Variants in NUP85 observed in about 807,000 individuals in gnomAD.
The protein encoded by NUP85 is nucleoporin 85.
A neutral mutation model predicts 92.8 loss-of-function variants in NUP85; 23 were observed. The ratio of observed to expected loss-of-function variants is 0.25; its 90% CI spans 0.18 to 0.35. The LOEUF is 0.35. Among genes scored for constraint, NUP85 ranks in the 10% least tolerant of loss-of-function variants. NUP85 has a pLI of 1.00. For missense variants in NUP85, 759 were observed against 822.8 expected (o/e 0.92, Z 0.95); for synonymous variants, 314 against 306.9 (o/e 1.02, Z -0.24).
chr17:75,235,390 A>G (rs1218108456), intron 18 of NUP85, 188 bp from the exon 19 acceptor site: 2 of 615,506 alleles, frequency 3.2e-6, no homozygotes, highest in South Asian at 2.1e-5. Context: ...TCTCATCTCT[A>G]CATTTTGTTC....
intron 7 of NUP85, among the ~76,000 whole-genome samples, chr17:75,218,777 G>T (rs2075511886): frequency 6.6e-6 from 1 of 151,824 alleles, no homozygotes; most frequent in South Asian, 2.1e-4. Context: ...AAAGAGAAAA[G>T]ATAGTCCGAC....
Position 75,234,739 on chromosome 17 carries a change from T to G in NUP85, c.1718T>G (p.Phe573Cys). ...LMTSRIAPRSFWMTLLTDALP... is the reference protein window; with the variant it reads ...LMTSRIAPRSCWMTLLTDALP... ...ACGTCTCGGATTGCCCCTCGGTCTT[T>G]CTGGATGACTCTGCTGACAGACGCC... Residue 573 changes from phenylalanine (F) to cysteine (C), a missense_variant, in exon 17 of 19, where the codon TTC (phenylalanine) becomes TGC (cysteine). Transcript: ENST00000245544. The G allele has an allele frequency of 6.2e-7, 1 of 1,614,214 alleles. No homozygotes were observed. Among genetic ancestry groups the G allele is most frequent in the East Asian group, 2.2e-5 (1 of 44,884 alleles).
intron 7 of NUP85, 77 bp downstream of exon 7, chr17:75,218,383 C>G: frequency 6.3e-7 from 1 of 1,576,798 alleles, no homozygotes; most frequent in African/African-American, 1.3e-5. Flanking sequence ...TGAGGACACC[C>G]ACTGAGCCTC....
rs1202538859 is a variant in NUP85 at position 75,225,795 on chromosome 17, C to T, written c.953C>T (p.Thr318Ile). 6.2e-7 allele frequency: 1 copy of T among 1,614,086 alleles called. No individual in the cohort carries two copies. The highest frequency in any genetic ancestry group is 8.5e-7 in the Non-Finnish European group (1 of 1,180,004). ...LVTRLLYSNP[T>I]VKPIDLHYYA... ...ACTCGGCTCTTGTACTCCAATCCCA[C>T]AGTAAAACCCATTGATCTGCACTAC... Residue 318 changes from threonine (T) to isoleucine (I), a missense_variant, in exon 10 of 19, where the codon ACA becomes ATA. By Grantham distance (89) the Thr-to-Ile change is moderately conservative. Coordinates refer to ENST00000245544, the MANE Select transcript of NUP85 (RefSeq NM_024844.5).
intron 11 of NUP85, among the ~76,000 whole-genome samples, chr17:75,230,919 C>G (rs1000863247): frequency 7.1e-6 from 1 of 140,408 alleles, no homozygotes; most frequent in Non-Finnish European, 1.5e-5. Flanking sequence ...GACTCCACCT[C>G]AACTACTTTC....
At chr17:75,217,032 C>T (rs939482893) in intron 6 of NUP85, among the ~76,000 whole-genome samples, 7 of 151,654 alleles carry the variant, frequency 4.6e-5, no homozygotes, top group Non-Finnish European at 4.4e-5. Flanking sequence ...ACTACAGGCA[C>T]GTGCCACCAT....
chr17:75,209,949 T>C lies in NUP85; in HGVS notation c.254T>C (p.Ile85Thr), dbSNP rs1298651856. The C allele has an allele frequency of 1.3e-6, 2 of 1,584,144 alleles. No homozygotes were observed. The highest frequency in any genetic ancestry group is 1.7e-4 in the Middle Eastern group (1 of 6,008). Residue 85 changes from isoleucine to threonine, a missense_variant, in exon 3 of 19, where the codon ATT becomes ACT. Ile to Thr is a moderately conservative substitution (Grantham distance 89). Transcript: ENST00000245544. ...SHGIFLGLQR[I>T]DEELTGKSRK... ...GGAATCTTTCTGGGCCTCCAGAGAATTGACGAAGAGTTGACTGGAAAATCC... is the reference window on the plus strand; with the variant it reads ...GGAATCTTTCTGGGCCTCCAGAGAACTGACGAAGAGTTGACTGGAAAATCC...
Position 75,233,047 on chromosome 17 carries a change from G to A in NUP85, c.1515-11G>A, listed in dbSNP as rs755802307. 10 of 1,613,720 alleles carry A rather than the reference G, an allele frequency of 6.2e-6. No homozygotes were observed. Among genetic ancestry groups the A allele is most frequent in the Non-Finnish European group, 6.8e-6 (8 of 1,179,676 alleles). ...AGACTGCTGCTCTGATCTCTGGGCC[G>A]GGCCCTGCAGGTTCCTCAGGGATTA... is the stretch of plus-strand genomic sequence containing the variant. On this transcript the variant is annotated splice_polypyrimidine_tract_variant and intron_variant, in intron 15 of 18. Coordinates refer to ENST00000245544, the MANE Select transcript of NUP85 (RefSeq NM_024844.5).
chr17:75,231,798 C>T lies in NUP85; in HGVS notation c.1245-30C>T, dbSNP rs780343321. 2.5e-6 allele frequency: 4 copies of T among 1,613,292 alleles called. No individual in the cohort carries two copies. The highest frequency in any genetic ancestry group is 3.4e-6 in the Non-Finnish European group (4 of 1,179,662). ...AGTCCTCGGAGCCATGAGGCAGCAC[C>T]TCATGTCTGTCCTCCTCGAACCTTT... On this transcript the variant is annotated intron_variant, in intron 13 of 18. Coordinates refer to ENST00000245544, the MANE Select transcript of NUP85 (RefSeq NM_024844.5). This position sits in a 1 kb window ranked among gnomAD's most constrained non-coding sequence, Gnocchi z 4.6.
chr17:75,233,383 CTTTCTTTCTCTT>C (rs1237487385), intron 16 of NUP85, among the ~76,000 whole-genome samples: 6 of 59,040 alleles, frequency 1.0e-4, no homozygotes, highest in Non-Finnish European at 2.8e-4. Context: ...TTCTTTCTCT[CTTTCTTTCTCTT>C]TCTCTTTCTC....
At chr17:75,224,981 C>A in intron 7 of NUP85, 122 bp from the exon 8 acceptor site, 1 of 951,974 alleles carries the variant, frequency 1.1e-6, no homozygotes, top group Non-Finnish European at 1.5e-6. Flanking sequence ...GACTCAGGTG[C>A]AGAAAGAAGC....
Position 75,225,420 on chromosome 17 carries a change from G to C in NUP85, c.811G>C (p.Asp271His). Residue 271 changes from aspartate to histidine, a missense_variant, in exon 9 of 19, where the codon GAC becomes CAC. Asp to His is a moderately conservative substitution (Grantham distance 81). Coordinates refer to ENST00000245544, the MANE Select transcript of NUP85 (RefSeq NM_024844.5). ...WHEECERYLQDSTFATSPHLE... is the reference protein window; with the variant it reads ...WHEECERYLQHSTFATSPHLE... Reference sequence around the variant, plus strand: ...CGAGGAATGTGAGCGGTACCTCCAGGACAGCACATTCGCCACCAGCCCTCA... The same window carrying C: ...CGAGGAATGTGAGCGGTACCTCCAGCACAGCACATTCGCCACCAGCCCTCA... 1.2e-6 allele frequency: 2 copies of C among 1,614,106 alleles called. No homozygotes were observed. The highest frequency in any genetic ancestry group is 1.7e-6 in the Non-Finnish European group (2 of 1,180,038).
In NUP85 at chr17:75,205,821, C is replaced by T. The variant is rs374301721; in HGVS notation, c.33+27C>T. 25 of 1,613,458 alleles carry T rather than the reference C, an allele frequency of 1.5e-5. No homozygotes were observed. The Admixed American group carries it at 2.8e-4, about 18-fold the overall frequency. On this transcript the variant is annotated intron_variant, in intron 1 of 18. Transcript: ENST00000245544. The stretch of plus-strand genomic sequence containing the variant: ...TAAGGGTACCCCGAACAGGCTTGCT[C>T]GTCCTTGCGGGTTGAGAACTGCGTC...
intron 11 of NUP85, among the ~76,000 whole-genome samples, chr17:75,227,578 T>G (rs1460746799): frequency 6.6e-6 from 1 of 151,994 alleles, no homozygotes; most frequent in African/African-American, 2.4e-5. Context: ...TGACCTCAGG[T>G]CATCTGCCCA....
rs1238498637 is a variant in NUP85, at chr17:75,212,228, GGTTT to G, written c.361+167_361+170del. 3.8e-4 allele frequency among the ~76,000 whole-genome samples: 32 copies of G among 84,542 alleles called. 4 individuals carry two copies. Among genetic ancestry groups the G allele is most frequent in the African/African-American group, 1.4e-3 (29 of 21,364 alleles). 55.5% of individuals were successfully genotyped at this position (84,542 alleles called of 152,430 possible). A position where few individuals can be genotyped will look rare whatever the true frequency, so the allele number is the denominator to read the frequency against. ...CTTACTTTTTTGGTAATCATTTAGA[GGTTT>G]TTTTTTTTGTTGTTGTTTTTTTTTT... On this transcript the variant is annotated intron_variant, in intron 4 of 18. Transcript: ENST00000245544.
At chr17:75,232,647 C>T (rs990030245) in intron 14 of NUP85, among the ~76,000 whole-genome samples, 6 of 152,106 alleles carry the variant, frequency 3.9e-5, no homozygotes, top group African/African-American at 7.2e-5. Flanking sequence ...CCAGTCTTGC[C>T]GTGATGGGCA....
chr17:75,234,082 C>T (rs1469071176), intron 16 of NUP85, among the ~76,000 whole-genome samples: 4 of 140,472 alleles, frequency 2.8e-5, no homozygotes, highest in African/African-American at 1.1e-4. Context: ...GACGGAGTCT[C>T]ACTCTGTCGC....
intron 3 of NUP85, among the ~76,000 whole-genome samples, chr17:75,211,733 G>GA (rs1171906341): frequency 6.6e-6 from 1 of 152,002 alleles, no homozygotes; most frequent in African/African-American, 2.4e-5. Flanking sequence ...ATTTTTTTGA[G>GA]ACAAGGTCTG....
At position 75,232,893 on chromosome 17, in the gene NUP85, A is replaced by G. The variant is rs368637573; in HGVS notation, c.1439A>G (p.Asn480Ser). The change falls in exon 15 of 19, where the codon AAC (asparagine) becomes AGC (serine). Residue 480 changes from asparagine (N) to serine (S), a missense_variant. Coordinates refer to ENST00000245544, the MANE Select transcript of NUP85 (RefSeq NM_024844.5). ...CKILAMKAVRNNRLGSALSWS... is the reference protein window; with the variant it reads ...CKILAMKAVRSNRLGSALSWS... ...ATCTTAGCCATGAAAGCCGTCCGCA[A>G]CAATCGCCTGGGTTCTGCCCTCTCT... The G allele has an allele frequency of 1.1e-5, 18 of 1,614,124 alleles. No individual in the cohort carries two copies. The highest frequency in any genetic ancestry group is 1.4e-5 in the Non-Finnish European group (17 of 1,180,052).
Sources: allele counts gnomAD v4.1 joint callset (sites outside exome capture counted in the v4.1 genomes callset), GRCh38; gene constraint gnomAD v4.1.1; non-coding constraint Gnocchi (gnomAD v3.1); transcripts MANE v1.5; gene names NCBI Gene and HGNC (gene_info 2026-07-23, HGNC 2026-07-21).